The following HNF1B variants were observed in gnomAD, a reference collection of about 807,000 sequenced individuals.
HNF1B encodes hepatocyte nuclear factor 1-beta.
In HNF1B, 8 loss-of-function variants were observed where a neutral mutation model predicts 61.7. The ratio of observed to expected loss-of-function variants is 0.13; its 90% CI spans 0.08 to 0.23. The LOEUF (loss-of-function observed/expected upper bound fraction) is 0.23, where lower values mean the gene tolerates loss of function less well. HNF1B is among the 10% of genes least tolerant of loss of function. The pLI is 1.00. For missense variants in HNF1B, 562 were observed against 714.5 expected (o/e 0.79, Z 2.43); for synonymous variants, 314 against 287.7 (o/e 1.09, Z -0.93).
At chr17:37,736,693 G>C (rs531616838) in intron 2 of HNF1B, among the ~76,000 whole-genome samples, 33 of 152,296 alleles carry the variant, frequency 2.2e-4, no homozygotes, top group Admixed American at 5.9e-4. Flanking sequence ...AGACACTCTC[G>C]CAGCTGCTCC....
At chr17:37,724,457 G>T (rs1361662930) in intron 4 of HNF1B, among the ~76,000 whole-genome samples, 2 of 152,128 alleles carry the variant, frequency 1.3e-5, no homozygotes, top group East Asian at 1.9e-4. Flanking sequence ...CCACATTTGA[G>T]AACTATTGTC....
intron 1 of HNF1B, among the ~76,000 whole-genome samples, chr17:37,739,985 G>C (rs1272104990): frequency 6.7e-6 from 1 of 149,552 alleles, no homozygotes; most frequent in Non-Finnish European, 1.5e-5. Context: ...TATTTTTTTT[G>C]ATGTGGAGTT....
chr17:37,706,811 G>A (rs565393894), intron 5 of HNF1B, among the ~76,000 whole-genome samples: 1 of 152,280 alleles, frequency 6.6e-6, no homozygotes, highest in South Asian at 2.1e-4. Flanking sequence ...TATAAGAGAA[G>A]TGTGGAGGCC....
At chr17:37,737,906 G>GT (rs1432824419) in intron 2 of HNF1B, among the ~76,000 whole-genome samples, 3 of 152,192 alleles carry the variant, frequency 2.0e-5, no homozygotes, top group African/African-American at 7.2e-5. Context: ...AGAGGCTGTT[G>GT]TATTTGTAAA....
At chr17:37,729,500 C>T (rs1189575374) in intron 4 of HNF1B, 1 of 148,462 alleles carries the variant, frequency 6.7e-6, no homozygotes, top group African/African-American at 2.5e-5. Context: ...TGTCCCATAA[C>T]TGTTGCTCCA....
At position 37,699,191 on chromosome 17, in the gene HNF1B, T is replaced by C; in HGVS notation, c.1538A>G (p.Tyr513Cys). The C allele has an allele frequency of 6.2e-7, 1 of 1,611,700 alleles. No individual in the cohort carries two copies. Among genetic ancestry groups the C allele is most frequent in the Non-Finnish European group, 8.5e-7 (1 of 1,177,820 alleles). ...AVTQLQNSHM[Y>C]AHKQEPPQYS... ...CTGGGGGGGTTCCTGCTTGTGTGCG[T>C]ACACTGGAGAGACAGAGTGAAGACA... Residue 513 changes from tyrosine (Y) to cysteine (C), a missense_variant, in exon 8 of 9, where the codon TAC (tyrosine) becomes TGC (cysteine). This residue lies in a region of HNF1B where 64 missense variants were observed against 96.9 expected (regional missense o/e 0.66). Transcript: ENST00000617811.
rs780242662 is a variant in HNF1B at position 37,731,868 on chromosome 17, G to C, written c.810-38C>G. The C allele has an allele frequency of 2.0e-5, 28 of 1,402,676 alleles. 1 individual carries two copies. In the South Asian group the frequency reaches 2.4e-4, roughly 12 times the overall value. The allele number at this position is 1,402,676 out of a possible 1,614,324, so 86.9% of individuals were successfully genotyped here. The stretch of plus-strand genomic sequence containing the variant: ...GGAGGGGAGATGGTGAGTGAGGGGG[G>C]GCGGGGGGACTTGTTGGTGCTTGGC... On this transcript the variant is annotated intron_variant, in intron 3 of 8. Coordinates refer to ENST00000617811, the MANE Select transcript of HNF1B (RefSeq NM_000458.4).
intron 4 of HNF1B, among the ~76,000 whole-genome samples, chr17:37,728,305 A>C (rs146477233): frequency 0.012 from 1,801 of 146,940 alleles, 26 homozygotes; most frequent in Middle Eastern, 0.044. Context: ...CCTAGCCCAC[A>C]GAGCGTTTTT....
chr17:37,692,169 G>C (rs550322585), intron 8 of HNF1B, among the ~76,000 whole-genome samples: 1 of 151,876 alleles, frequency 6.6e-6, no homozygotes, highest in Non-Finnish European at 1.5e-5. Context: ...AGATGCAGAA[G>C]GATTCTTGGC....
intron 8 of HNF1B, among the ~76,000 whole-genome samples, chr17:37,694,889 T>C (rs902175808): frequency 6.6e-6 from 1 of 152,120 alleles, no homozygotes; most frequent in Non-Finnish European, 1.5e-5. Context: ...ATTTGGAATG[T>C]TGGAATTTAC....
intron 4 of HNF1B, among the ~76,000 whole-genome samples, chr17:37,711,082 AG>A (rs1469690771): frequency 6.6e-6 from 1 of 152,210 alleles, no homozygotes; most frequent in Non-Finnish European, 1.5e-5. Flanking sequence ...AATGCCTTTT[AG>A]AAATGTTTCC....
At chr17:37,700,531 T>C (rs1354923135) in intron 7 of HNF1B, among the ~76,000 whole-genome samples, 3 of 152,204 alleles carry the variant, frequency 2.0e-5, no homozygotes, top group African/African-American at 7.2e-5. Flanking sequence ...AAGATTCTTC[T>C]CTTTTAGGGA....
At chr17:37,743,405 A>C (rs972405255) in intron 1 of HNF1B, among the ~76,000 whole-genome samples, 1 of 152,204 alleles carries the variant, frequency 6.6e-6, no homozygotes, top group Non-Finnish European at 1.5e-5. Flanking sequence ...CCTCAAACCT[A>C]TGAATTATAC....
At chr17:37,732,063 T>C (rs2033704335) in intron 3 of HNF1B, among the ~76,000 whole-genome samples, 1 of 152,110 alleles carries the variant, frequency 6.6e-6, no homozygotes, top group Non-Finnish European at 1.5e-5. Flanking sequence ...TATGCCGCCC[T>C]GGGAGTCAGG....
intron 8 of HNF1B, 112 bp downstream of exon 8, chr17:37,698,964 C>T (rs746837180): frequency 1.3e-5 from 11 of 851,342 alleles, no homozygotes; most frequent in Middle Eastern, 3.3e-4. Flanking sequence ...AACAGGGAGC[C>T]TCAGAAGGAC....
chr17:37,723,182 A>C (rs1237826569), intron 4 of HNF1B, among the ~76,000 whole-genome samples: 2 of 151,544 alleles, frequency 1.3e-5, no homozygotes, highest in East Asian at 1.9e-4. Context: ...TACTAAAAAA[A>C]AAAAAATACA....
chr17:37,727,604 C>T (rs1240770458), intron 4 of HNF1B, among the ~76,000 whole-genome samples: 1 of 152,194 alleles, frequency 6.6e-6, no homozygotes, highest in South Asian at 2.1e-4. Flanking sequence ...GCTGACTCTG[C>T]TGACAGTGTG....
intron 8 of HNF1B, among the ~76,000 whole-genome samples, chr17:37,690,669 T>C (rs189689621): frequency 5.3e-5 from 8 of 152,296 alleles, no homozygotes; most frequent in African/African-American, 1.7e-4. Context: ...TACTCTCAGC[T>C]CTCTCACTTG....
chr17:37,722,832 C>A (rs2033360847), intron 4 of HNF1B, among the ~76,000 whole-genome samples: 1 of 152,110 alleles, frequency 6.6e-6, no homozygotes, highest in Non-Finnish European at 1.5e-5. Context: ...AGAAAATCAG[C>A]CCTTAGGAGC....
Sources: allele counts gnomAD v4.1 joint callset (sites outside exome capture counted in the v4.1 genomes callset), GRCh38; gene constraint gnomAD v4.1.1; regional missense constraint gnomAD v4.1.1; transcripts MANE v1.5; gene names NCBI Gene and HGNC (gene_info 2026-07-23, HGNC 2026-07-21).